Variants in TOM1 observed in about 807,000 individuals in gnomAD.
The protein encoded by TOM1 is target of myb1 membrane trafficking protein, also known as target of Myb protein 1.
TOM1 carries 38 observed loss-of-function variants against 61.3 expected under a neutral mutation model. The ratio of observed to expected loss-of-function variants is 0.62; its 90% CI spans 0.48 to 0.81. The LOEUF (loss-of-function observed/expected upper bound fraction) is 0.81, where lower values mean the gene tolerates loss of function less well. TOM1 is among the 40% of genes least tolerant of loss of function. The pLI is 0.00. For synonymous variants in TOM1, 270 were observed against 268.8 expected (o/e 1.00, Z -0.04); for missense variants, 591 against 659.6 (o/e 0.90, Z 1.14).
chr22:35,309,733 T>G (rs2145618660), intron 1 of TOM1, among the ~76,000 whole-genome samples: 1 of 152,238 alleles, frequency 6.6e-6, no homozygotes, highest in South Asian at 2.1e-4. Flanking sequence ...ATGAATTCGT[T>G]CAGTAGTGGC....
chr22:35,300,194 C>A (rs145159534), intron 1 of TOM1, among the ~76,000 whole-genome samples: 1 of 152,278 alleles, frequency 6.6e-6, no homozygotes, highest in Admixed American at 6.5e-5. Context: ...ATGTATATGA[C>A]AGCCAGTAGG....
intron 7 of TOM1, among the ~76,000 whole-genome samples, chr22:35,329,545 A>G (rs9622174): frequency 0.19 from 28,956 of 152,210 alleles, 3,762 homozygotes; most frequent in African/African-American, 0.36. Flanking sequence ...AAATTATTCC[A>G]AAGCTAAAAG....
rs190916772 is a variant in TOM1, at chr22:35,341,998, A to T, written c.1224+3210A>T. On this transcript the variant is annotated intron_variant, in intron 12 of 14. Coordinates refer to ENST00000449058, the MANE Select transcript of TOM1 (RefSeq NM_005488.3). ...CAGAGTACAAAACAGCATCAAAACC[A>T]GGCGCGGTGGCAGGTACCTGTAGTG... 2.2e-3 allele frequency among the ~76,000 whole-genome samples: 339 copies of T among 152,184 alleles called. 1 individual carries two copies. Among genetic ancestry groups the T allele is most frequent in the African/African-American group, 7.9e-3 (326 of 41,510 alleles).
intron 13 of TOM1, 57 bp from the exon 14 acceptor site, chr22:35,346,873 G>T: frequency 6.5e-7 from 1 of 1,550,042 alleles, no homozygotes; most frequent in Non-Finnish European, 8.9e-7. Context: ...CACTGCCCCA[G>T]GCTGACCGTA....
At chr22:35,318,855 A>T (rs1457625186) in intron 2 of TOM1, among the ~76,000 whole-genome samples, 2 of 152,194 alleles carry the variant, frequency 1.3e-5, no homozygotes, top group East Asian at 1.9e-4. Flanking sequence ...TCTCACTGGG[A>T]TCATCCAGCT....
intron 9 of TOM1, 51 bp downstream of exon 9, chr22:35,333,065 G>C: frequency 6.3e-7 from 1 of 1,592,246 alleles, no homozygotes; most frequent in Non-Finnish European, 8.6e-7. Context: ...ATGGGAAGAA[G>C]GAGTGCCATT....
chr22:35,343,803 CACACCT>C lies in TOM1; in HGVS notation c.1225-1911_1225-1906del, dbSNP rs1038770746. 4.2e-5 allele frequency among the ~76,000 whole-genome samples: 6 copies of C among 143,344 alleles called. No homozygotes were observed. The East Asian group carries it at 9.1e-4, about 22-fold the overall frequency. The allele number at this position is 143,344 out of a possible 152,430, so 94.0% of individuals were successfully genotyped here. A position where few individuals can be genotyped will look rare whatever the true frequency, so the allele number is the denominator to read the frequency against. ...CACACACCACACACCTACACCTACC[CACACCT>C]ACACCTACACATACACACCTACATT... is the stretch of plus-strand genomic sequence containing the variant. On this transcript the variant is annotated intron_variant, in intron 12 of 14. Coordinates refer to ENST00000449058, the MANE Select transcript of TOM1 (RefSeq NM_005488.3).
At chr22:35,315,363 G>C (rs1028810393) in intron 1 of TOM1, among the ~76,000 whole-genome samples, 1 of 152,144 alleles carries the variant, frequency 6.6e-6, no homozygotes, top group Non-Finnish European at 1.5e-5. Context: ...AGGTTCTGTA[G>C]GTTAACACTG....
At chr22:35,338,590 T>G in intron 11 of TOM1, 123 bp from the exon 12 acceptor site, 1 of 712,362 alleles carries the variant, frequency 1.4e-6, no homozygotes, top group Non-Finnish European at 2.2e-6. Context: ...ATGAGACCCT[T>G]TTTACCATTT....
intron 11 of TOM1, among the ~76,000 whole-genome samples, 173 bp from the exon 12 acceptor site, chr22:35,338,540 T>C (rs1929582540): frequency 6.6e-6 from 1 of 152,096 alleles, no homozygotes; most frequent in African/African-American, 2.4e-5. Flanking sequence ...CTGTCTGTCA[T>C]GTAGGTCACT....
intron 7 of TOM1, 43 bp downstream of exon 7, chr22:35,327,430 C>A: frequency 7.4e-7 from 1 of 1,353,824 alleles, no homozygotes; most frequent in Non-Finnish European, 1.0e-6. Flanking sequence ...ATGACTCCTG[C>A]CCAGCTGCCC....
rs770093989 is a variant in TOM1, at chr22:35,347,066, T to C, written c.1336T>C (p.Phe446Leu). 1 of 1,428,702 alleles carries C rather than the reference T, an allele frequency of 7.0e-7. No homozygotes were observed. The highest frequency in any genetic ancestry group is 9.4e-7 in the Non-Finnish European group (1 of 1,063,440). 88.5% of individuals were successfully genotyped at this position (1,428,702 alleles called of 1,614,324 possible). A position where few individuals can be genotyped will look rare whatever the true frequency, so the allele number is the denominator to read the frequency against. Residue 446 changes from phenylalanine (F) to leucine (L), a missense_variant, in exon 15 of 15, where the codon TTC becomes CTC. By Grantham distance (22) the Phe-to-Leu change is conservative. Coordinates refer to ENST00000449058, the MANE Select transcript of TOM1 (RefSeq NM_005488.3). ...TCCCCTTCCTCTAGAATTTGACAAATTCCTGGAAGAACGGGCCAAAGCCGC... is the reference window on the plus strand; with the variant it reads ...TCCCCTTCCTCTAGAATTTGACAAACTCCTGGAAGAACGGGCCAAAGCCGC... The part of the protein sequence containing the change: ...KGVTSEEFDK[F>L]LEERAKAADR...
At chr22:35,317,176 G>A (rs529509508) in intron 1 of TOM1, among the ~76,000 whole-genome samples, 1 of 152,258 alleles carries the variant, frequency 6.6e-6, no homozygotes, top group Admixed American at 6.5e-5. Flanking sequence ...CAACTCAAAA[G>A]ATAATTCTTT....
In TOM1 at chr22:35,338,747, C is replaced by T. The variant is rs373259061; in HGVS notation, c.1183C>T (p.Leu395=). 2.5e-6 allele frequency: 4 copies of T among 1,600,674 alleles called. No individual in the cohort carries two copies. Among genetic ancestry groups the T allele is most frequent in the Non-Finnish European group, 3.4e-6 (4 of 1,174,450 alleles). The change falls in exon 12 of 15, where the codon CTG becomes TTG. Residue 395 remains leucine (L), a synonymous_variant. Transcript: ENST00000449058. The part of the protein sequence containing the change: ...KYEAPQATDG[L]AGALDARQQS... Reference sequence around the variant, plus strand: ...CGAAGCCCCCCAAGCAACAGACGGCCTGGCTGGAGCCCTGGACGCCCGGCA... The same window carrying T: ...CGAAGCCCCCCAAGCAACAGACGGCTTGGCTGGAGCCCTGGACGCCCGGCA...
At position 35,333,502 on chromosome 22, in the gene TOM1, G is replaced by C; in HGVS notation, c.1027+5G>C. ...CATCCCAGCTGGCAGGAATGAGTAA[G>C]TGTGGTTTGGAGGGCTCCAGCTGAG... On this transcript the variant is annotated splice_donor_5th_base_variant and intron_variant, in intron 10 of 14. Coordinates refer to ENST00000449058, the MANE Select transcript of TOM1 (RefSeq NM_005488.3). 4 of 1,614,008 alleles carry C rather than the reference G, an allele frequency of 2.5e-6. No individual in the cohort carries two copies. Among genetic ancestry groups the C allele is most frequent in the Non-Finnish European group, 3.4e-6 (4 of 1,179,868 alleles).
At position 35,317,975 on chromosome 22, in the gene TOM1, A is replaced by G. The variant is rs1489913678; in HGVS notation, c.137+14A>G. On this transcript the variant is annotated intron_variant, in intron 2 of 14. Transcript: ENST00000449058. ...GACGGAGGAAGGGTAAGGGCCCCCC[A>G]AGGAGAGGTTGGGGGCAGAGACGGC... is the stretch of plus-strand genomic sequence containing the variant. The G allele has an allele frequency of 3.1e-6, 5 of 1,610,106 alleles. No individual in the cohort carries two copies. The Admixed American group carries it at 5.0e-5, about 16-fold the overall frequency.
At chr22:35,315,161 G>A (rs1927173392) in intron 1 of TOM1, among the ~76,000 whole-genome samples, 1 of 152,128 alleles carries the variant, frequency 6.6e-6, no homozygotes, top group African/African-American at 2.4e-5. Context: ...AGCTGAGGCG[G>A]TAGTCTAGCG....
rs1359093844 is a variant in TOM1, at chr22:35,323,335, A to G, written c.366+158A>G. The G allele has an allele frequency of 1.5e-6, 2 of 1,342,794 alleles. No homozygotes were observed. The highest frequency in any genetic ancestry group is 2.0e-6 in the Non-Finnish European group (2 of 980,500). 83.2% of individuals were successfully genotyped at this position (1,342,794 alleles called of 1,614,324 possible). On this transcript the variant is annotated intron_variant, in intron 4 of 14. Coordinates refer to ENST00000449058, the MANE Select transcript of TOM1 (RefSeq NM_005488.3). The surrounding 1 kb of genome is among the most constrained non-coding windows in gnomAD (Gnocchi z 4.2). ...CTGGTGGGATGTTCTGTGGGGAGGG[A>G]GGCTTGCCAACTGCGTGCTTTGCTG...
intron 1 of TOM1, among the ~76,000 whole-genome samples, chr22:35,314,139 G>A (rs1014576558): frequency 3.9e-5 from 6 of 152,314 alleles, no homozygotes; most frequent in South Asian, 2.1e-4. Flanking sequence ...ATGATTCACC[G>A]CAATCCTGTT....
Sources: gnomAD v4.1 joint callset for allele counts (sites outside exome capture counted in the v4.1 genomes callset) on GRCh38, gnomAD v4.1.1 for gene constraint, Gnocchi (gnomAD v3.1) non-coding constraint, MANE v1.5 for transcripts, NCBI Gene and HGNC (gene_info 2026-07-23, HGNC 2026-07-21) for gene names.